The following NAV2 variants were observed in gnomAD, a reference collection of about 807,000 sequenced individuals.
NAV2 encodes the protein neuron navigator 2, also known as helicase, APC down-regulated 1.
In NAV2, 54 loss-of-function variants were observed where a neutral mutation model predicts 223.2. The observed-to-expected ratio is 0.24, with a 90% CI of 0.19 to 0.30. The LOEUF (loss-of-function observed/expected upper bound fraction) is 0.30, where lower values mean the gene tolerates loss of function less well. Among genes scored for constraint, NAV2 ranks in the 10% least tolerant of loss-of-function variants. NAV2 has a pLI of 1.00. For missense variants in NAV2, 2,806 were observed against 3,147.5 expected (o/e 0.89, Z 2.60); for synonymous variants, 1,279 against 1,239.3 (o/e 1.03, Z -0.67).
At chr11:19,886,144 A>ATTT (rs35749323) in intron 5 of NAV2, among the ~76,000 whole-genome samples, 3 of 143,572 alleles carry the variant, frequency 2.1e-5, no homozygotes, top group African/African-American at 7.7e-5. Flanking sequence ...TACCCAGCTA[A>ATTT]TTTTTTTTTT....
intron 29 of NAV2, among the ~76,000 whole-genome samples, chr11:20,094,729 C>G (rs979835778): frequency 3.9e-5 from 6 of 152,132 alleles, no homozygotes; most frequent in Non-Finnish European, 5.9e-5. Flanking sequence ...TTGAGAAACC[C>G]GAGACCCCAA....
At chr11:20,004,999 C>G (rs543964686) in intron 11 of NAV2, among the ~76,000 whole-genome samples, 1 of 151,736 alleles carries the variant, frequency 6.6e-6, no homozygotes, top group Admixed American at 6.6e-5. Context: ...GGCTTACTTG[C>G]GATAATCCCA....
intron 1 of NAV2, among the ~76,000 whole-genome samples, chr11:19,384,006 C>T (rs778962856): frequency 1.3e-5 from 2 of 152,006 alleles, no homozygotes; most frequent in African/African-American, 2.4e-5. Context: ...AAGAAATTGG[C>T]TAAATAAACC....
chr11:19,791,727 C>T (rs1325924759), intron 1 of NAV2, among the ~76,000 whole-genome samples: 1 of 152,104 alleles, frequency 6.6e-6, no homozygotes, highest in African/African-American at 2.4e-5. Context: ...ACTCAGTCTC[C>T]CCAGAAGAAA....
chr11:19,963,017 T>A (rs1330723759), intron 10 of NAV2, among the ~76,000 whole-genome samples: 1 of 152,188 alleles, frequency 6.6e-6, no homozygotes, highest in Non-Finnish European at 1.5e-5. Context: ...CAACTCAAGT[T>A]GTCAGAAACA....
intron 1 of NAV2, chr11:19,519,643 C>G (rs1417390936): frequency 6.6e-6 from 1 of 152,240 alleles, no homozygotes; most frequent in Non-Finnish European, 1.5e-5. Context: ...GAAGGCTGCC[C>G]CTGCCTTGGT....
chr11:19,453,606 C>T (rs1851861548), intron 1 of NAV2, among the ~76,000 whole-genome samples: 1 of 152,144 alleles, frequency 6.6e-6, no homozygotes, highest in Admixed American at 6.5e-5. Context: ...GTGGCCTTGC[C>T]CAAACTGCCC....
chr11:19,995,302 G>C (rs1317066833), intron 11 of NAV2, among the ~76,000 whole-genome samples: 1 of 152,202 alleles, frequency 6.6e-6, no homozygotes. Flanking sequence ...TCTGTGAACT[G>C]TTTGTCTCTG....
At chr11:19,883,208 G>A (rs181626714) in intron 5 of NAV2, among the ~76,000 whole-genome samples, 1 of 152,200 alleles carries the variant, frequency 6.6e-6, no homozygotes, top group African/African-American at 2.4e-5. Flanking sequence ...AAATACTAAA[G>A]CTTGGACAAC....
At chr11:19,684,720 C>T (rs1005013174) in intron 1 of NAV2, among the ~76,000 whole-genome samples, 1 of 152,164 alleles carries the variant, frequency 6.6e-6, no homozygotes, top group Non-Finnish European at 1.5e-5. Flanking sequence ...ATATTTCTCC[C>T]TCATCCAGTC....
Position 20,033,809 on chromosome 11 carries a change from A to G in NAV2, c.2769-2150A>G, listed in dbSNP as rs115005716. On this transcript the variant is annotated intron_variant, in intron 11 of 37. Transcript: ENST00000349880. ...TTCCAAGCTGCTGGAATGAACTAGA[A>G]CTTTGGGGTTATGTGTGTGTGTGGC... Among the ~76,000 whole-genome samples, 530 of 146,628 alleles carry G rather than the reference A, an allele frequency of 3.6e-3. 4 individuals carry two copies. The highest frequency in any genetic ancestry group is 0.013 in the African/African-American group (495 of 37,982).
Position 19,419,544 on chromosome 11 carries a change from G to A in NAV2, c.75+68517G>A, listed in dbSNP as rs78993850. On this transcript the variant is annotated intron_variant, in intron 1 of 37. Coordinates refer to the NAV2 transcript ENST00000360655. Reference sequence around the variant, plus strand: ...CGTGGCAGGTGGGGCTTCGAGACCCGCTTCTCAGTCTGATGTGAAGACGTG... The same window carrying A: ...CGTGGCAGGTGGGGCTTCGAGACCCACTTCTCAGTCTGATGTGAAGACGTG... 6.1e-3 allele frequency among the ~76,000 whole-genome samples: 935 copies of A among 152,264 alleles called. 10 individuals carry two copies. The highest frequency in any genetic ancestry group is 0.02 in the African/African-American group (811 of 41,540).
intron 1 of NAV2, among the ~76,000 whole-genome samples, chr11:19,474,000 C>A (rs577685688): frequency 6.6e-6 from 1 of 152,204 alleles, no homozygotes; most frequent in Non-Finnish European, 1.5e-5. Flanking sequence ...GCCTGCAGGC[C>A]CACTATTCCT....
chr11:19,790,177 C>T (rs1332512150), intron 1 of NAV2, among the ~76,000 whole-genome samples: 1 of 152,170 alleles, frequency 6.6e-6, no homozygotes, highest in East Asian at 1.9e-4. Context: ...TGAGGAAGGG[C>T]CTGGTCAGTA....
At chr11:19,740,627 T>C (rs1430441378) in intron 1 of NAV2, among the ~76,000 whole-genome samples, 1 of 152,206 alleles carries the variant, frequency 6.6e-6, no homozygotes, top group Non-Finnish European at 1.5e-5. Flanking sequence ...GGAGATTTAC[T>C]GATATTTTGC....
At chr11:19,432,457 T>A (rs902342055) in intron 1 of NAV2, among the ~76,000 whole-genome samples, 10 of 152,182 alleles carry the variant, frequency 6.6e-5, no homozygotes, top group African/African-American at 2.2e-4. Context: ...ATTCTCTCCC[T>A]GTGGAAGTGT....
intron 1 of NAV2, among the ~76,000 whole-genome samples, chr11:19,783,537 G>A (rs1403432498): frequency 6.6e-6 from 1 of 152,138 alleles, no homozygotes; most frequent in East Asian, 1.9e-4. Flanking sequence ...GCAGTAGTAT[G>A]AACCCTCGTC....
intron 1 of NAV2, among the ~76,000 whole-genome samples, chr11:19,435,415 T>G (rs1426475778): frequency 6.6e-6 from 1 of 152,230 alleles, no homozygotes; most frequent in Non-Finnish European, 1.5e-5. Flanking sequence ...TTTCTGTTTT[T>G]TTAATGGATG....
intron 1 of NAV2, chr11:19,504,261 G>C (rs1226280270): frequency 1.3e-5 from 2 of 152,116 alleles, no homozygotes; most frequent in Admixed American, 6.5e-5. Flanking sequence ...TGGCAGTTTG[G>C]TACAAAACTA....
Sources: allele counts gnomAD v4.1 joint callset (sites outside exome capture counted in the v4.1 genomes callset), GRCh38; gene constraint gnomAD v4.1.1; transcripts MANE v1.5; gene names NCBI Gene and HGNC (gene_info 2026-07-23, HGNC 2026-07-21).